The following ZNF618 variants were observed in gnomAD, a reference collection of about 807,000 sequenced individuals.
The protein encoded by ZNF618 is zinc finger protein 618.
Under a neutral mutation model 103.0 loss-of-function variants are expected in ZNF618, and 34 were observed. The ratio of observed to expected loss-of-function variants is 0.33; its 90% confidence interval spans 0.25 to 0.44. The LOEUF is 0.44. Among genes scored for constraint, ZNF618 ranks in the 20% least tolerant of loss-of-function variants. The pLI is 1.00. For missense variants in ZNF618, 1,059 were observed against 1,295.4 expected (o/e 0.82, Z 2.80); for synonymous variants, 551 against 542.2 (o/e 1.02, Z -0.23).
intron 9 of ZNF618, chr9:114,016,153 T>C (rs1564301721): frequency 6.2e-7 from 1 of 1,613,672 alleles, no homozygotes; most frequent in Non-Finnish European, 8.5e-7. Context: ...AGAAAGAAGT[T>C]AGGCAGTGCC....
At chr9:113,999,861 G>A (rs775622398) in intron 4 of ZNF618, among the ~76,000 whole-genome samples, 2 of 152,218 alleles carry the variant, frequency 1.3e-5, no homozygotes. Context: ...GCAGGCACTC[G>A]TAAATTCTTC....
chr9:113,946,398 CAAAAAAAA>C (rs58064458), intron 1 of ZNF618, among the ~76,000 whole-genome samples: 26 of 114,882 alleles, frequency 2.3e-4, no homozygotes, highest in Non-Finnish European at 4.0e-4. Flanking sequence ...GGGAAGTCTT[CAAAAAAAA>C]AAAAAAAAAA....
chr9:113,941,352 CT>C (rs933249253), intron 1 of ZNF618, among the ~76,000 whole-genome samples: 2 of 152,060 alleles, frequency 1.3e-5, no homozygotes, highest in Admixed American at 6.6e-5. Context: ...TAAGAGCTTC[CT>C]TGAGATTCAC....
intron 11 of ZNF618, among the ~76,000 whole-genome samples, chr9:114,029,913 G>C (rs1042708783): frequency 1.3e-5 from 2 of 152,240 alleles, no homozygotes. Context: ...CTGAGGACCA[G>C]CAGTCAGGAA....
rs1214911829 is a variant in ZNF618, at chr9:114,002,050, A to T, written c.488A>T (p.Gln163Leu). Residue 163 changes from glutamine to leucine, a missense_variant, in exon 5 of 15, where the codon CAG (glutamine) becomes CTG (leucine). This residue lies in a region of ZNF618 where 1 missense variants were observed against 16.5 expected (regional missense o/e 0.06). Transcript: ENST00000374126. ...AAGTACAAGTATTACAACTGCTTCCAGACCCACGTGCGGGCGCACCGAGGT... is the reference window on the plus strand; with the variant it reads ...AAGTACAAGTATTACAACTGCTTCCTGACCCACGTGCGGGCGCACCGAGGT... ...GKKYKYYNCF[Q>L]THVRAHRDTE... 6.2e-7 allele frequency: 1 copy of T among 1,613,680 alleles called. No homozygotes were observed. The highest frequency in any genetic ancestry group is 8.5e-7 in the Non-Finnish European group (1 of 1,179,854).
intron 1 of ZNF618, among the ~76,000 whole-genome samples, chr9:113,938,709 C>T (rs1418392079): frequency 2.0e-5 from 3 of 151,850 alleles, no homozygotes; most frequent in African/African-American, 7.3e-5. Flanking sequence ...ACTGGAATTA[C>T]AGGCATGTAC....
In ZNF618 at chr9:113,890,356, G is replaced by A. The variant is rs144264736; in HGVS notation, c.33+13943G>A. On this transcript the variant is annotated intron_variant, in intron 1 of 14. Transcript: ENST00000374126. ...CATATTTAAGTACATATGATTTTAC[G>A]CAAATGGGATTATATTCCATGCTGT... Among the ~76,000 whole-genome samples, 19 of 152,184 alleles carry A rather than the reference G, an allele frequency of 1.2e-4. No individual in the cohort carries two copies. In the East Asian group the frequency reaches 3.5e-3, roughly 28 times the overall value.
rs758615817 is a variant in ZNF618, at chr9:114,050,065, G to T, written c.2763G>T (p.Gly921=). ...TTCCGGCCGTGGGCGCCAGAAGCGG[G>T]TGTGTAAATATGTGTGAACAAGCGC... ...LAVPAVGARS[G]CVNMCEQALL... Residue 921 remains glycine (G), a synonymous_variant, in exon 15 of 15, where the codon GGG becomes GGT. Coordinates refer to ENST00000374126, the MANE Select transcript of ZNF618 (RefSeq NM_001318042.2). The T allele has an allele frequency of 5.0e-6, 8 of 1,613,524 alleles. No individual in the cohort carries two copies. The Admixed American group carries it at 1.3e-4, about 27-fold the overall frequency.
intron 1 of ZNF618, among the ~76,000 whole-genome samples, chr9:113,883,916 C>T (rs1166208561): frequency 7.4e-6 from 1 of 134,780 alleles, no homozygotes; most frequent in Non-Finnish European, 1.5e-5. Flanking sequence ...TGTTGTCCTC[C>T]TGGTGGGGAG....
At chr9:113,961,300 T>C (rs1836824363) in intron 1 of ZNF618, among the ~76,000 whole-genome samples, 1 of 152,228 alleles carries the variant, frequency 6.6e-6, no homozygotes, top group Non-Finnish European at 1.5e-5. Context: ...GCCTGTCCCC[T>C]TCACTGTTCT....
intron 1 of ZNF618, among the ~76,000 whole-genome samples, chr9:113,951,611 A>G (rs528964919): frequency 2.0e-4 from 29 of 147,492 alleles, no homozygotes; most frequent in African/African-American, 6.5e-4. Context: ...ATATATGTAT[A>G]TATATATATG....
chr9:114,043,316 A>C (rs1845377008), intron 13 of ZNF618, among the ~76,000 whole-genome samples: 1 of 152,212 alleles, frequency 6.6e-6, no homozygotes, highest in Non-Finnish European at 1.5e-5. Flanking sequence ...TTGTTTCCTA[A>C]AGTGGCTGCA....
At chr9:113,925,926 A>T (rs1833045745) in intron 1 of ZNF618, among the ~76,000 whole-genome samples, 1 of 152,178 alleles carries the variant, frequency 6.6e-6, no homozygotes, top group Admixed American at 6.5e-5. Context: ...GAGAAAAATA[A>T]AAGATTTTAT....
chr9:113,893,692 A>G (rs926709295), intron 1 of ZNF618, among the ~76,000 whole-genome samples: 3 of 151,906 alleles, frequency 2.0e-5, no homozygotes, highest in African/African-American at 4.9e-5. Flanking sequence ...CTCATACTCT[A>G]TTGTTGAACA....
chr9:113,997,856 G>A (rs1840769609), intron 3 of ZNF618, among the ~76,000 whole-genome samples: 1 of 152,212 alleles, frequency 6.6e-6, no homozygotes, highest in South Asian at 2.1e-4. Flanking sequence ...GAGTCCCCAA[G>A]AAGGCCCTCC....
At chr9:113,911,713 C>T (rs1329415729) in intron 1 of ZNF618, among the ~76,000 whole-genome samples, 2 of 152,074 alleles carry the variant, frequency 1.3e-5, no homozygotes, top group African/African-American at 4.8e-5. Flanking sequence ...TATAAGATTC[C>T]TGTTTCCCAG....
At chr9:113,933,012 A>G (rs1833735696) in intron 1 of ZNF618, among the ~76,000 whole-genome samples, 1 of 152,174 alleles carries the variant, frequency 6.6e-6, no homozygotes, top group Non-Finnish European at 1.5e-5. Context: ...TGGACCAAGG[A>G]GCAACCAGCG....
intron 1 of ZNF618, among the ~76,000 whole-genome samples, chr9:113,888,802 G>A (rs747954808): frequency 1.3e-5 from 2 of 152,228 alleles, no homozygotes; most frequent in Non-Finnish European, 1.5e-5. Context: ...CAGAAGGCAT[G>A]TGCTGTTAGT....
chr9:113,986,508 T>C (rs909299916), intron 2 of ZNF618, among the ~76,000 whole-genome samples: 7 of 152,150 alleles, frequency 4.6e-5, no homozygotes, highest in Admixed American at 3.9e-4. Context: ...CACGGTTGGG[T>C]TCTGGTGAGG....
Sources: allele counts gnomAD v4.1 joint callset (sites outside exome capture counted in the v4.1 genomes callset), GRCh38; gene constraint gnomAD v4.1.1; regional missense constraint gnomAD v4.1.1; transcripts MANE v1.5; gene names NCBI Gene and HGNC (gene_info 2026-07-23, HGNC 2026-07-21).